The following ADARB2 variants were observed in gnomAD, a reference collection of about 807,000 sequenced individuals.
The protein encoded by ADARB2 is inactive double-stranded RNA-specific editase B2.
A neutral mutation model predicts 62.2 loss-of-function variants in ADARB2; 25 were observed. The ratio of observed to expected loss-of-function variants is 0.40; its 90% CI spans 0.29 to 0.56. ADARB2 has a LOEUF of 0.56. ADARB2 is among the 20% of genes least tolerant of loss of function. ADARB2 has a pLI of 0.43. For missense variants in ADARB2, 1,071 were observed against 1,077.4 expected (o/e 0.99, Z 0.08); for synonymous variants, 572 against 500.8 (o/e 1.14, Z -1.90).
At chr10:1,298,720 ATTTTTTTTTTTTTT>A (rs75978268) in intron 3 of ADARB2, among the ~76,000 whole-genome samples, 35 of 110,756 alleles carry the variant, frequency 3.2e-4, no homozygotes, top group African/African-American at 1.3e-3. Flanking sequence ...TGCGACGGGA[ATTTTTTTTTTTTTT>A]TTTTTTTTTT....
At chr10:1,504,517 T>C (rs1201944800) in intron 1 of ADARB2, among the ~76,000 whole-genome samples, 3 of 152,210 alleles carry the variant, frequency 2.0e-5, no homozygotes, top group Non-Finnish European at 2.9e-5. Context: ...TGCAGACCCC[T>C]GACTCGGCTG....
chr10:1,357,851 A>C (rs1320593402), intron 3 of ADARB2, among the ~76,000 whole-genome samples: 1 of 152,224 alleles, frequency 6.6e-6, no homozygotes, highest in African/African-American at 2.4e-5. Context: ...CAGAGGAGAA[A>C]ACTGAGCCAC....
intron 3 of ADARB2, among the ~76,000 whole-genome samples, chr10:1,272,606 G>A (rs965562263): frequency 4.6e-5 from 7 of 152,204 alleles, no homozygotes; most frequent in Non-Finnish European, 8.8e-5. Context: ...TTCCCACTGT[G>A]TCGTGAATCA....
At position 1,511,774 on chromosome 10, in the gene ADARB2, C is replaced by G. The variant is rs142273357; in HGVS notation, c.101-132614G>C. Among the ~76,000 whole-genome samples, 95 of 151,806 alleles carry G rather than the reference C, an allele frequency of 6.3e-4. 2 individuals are homozygous for G. Among genetic ancestry groups the G allele is most frequent in the Non-Finnish European group, 3.5e-4 (24 of 67,936 alleles). ...CATGGATGCTGTCTACATTGCATAC[C>G]AAGATGTTAATGCTGTCTACACTGG... On this transcript the variant is annotated intron_variant, in intron 1 of 9. Transcript: ENST00000381312.
chr10:1,687,136 C>A (rs749822707), intron 1 of ADARB2, among the ~76,000 whole-genome samples: 17 of 151,312 alleles, frequency 1.1e-4, no homozygotes, highest in Non-Finnish European at 2.4e-4. Flanking sequence ...AAGCGATTCT[C>A]CTGCCTCAGC....
At position 1,532,550 on chromosome 10, in the gene ADARB2, C is replaced by T. The variant is rs118124579; in HGVS notation, c.101-153390G>A. 9.4e-4 allele frequency among the ~76,000 whole-genome samples: 143 copies of T among 152,226 alleles called. 3 individuals are homozygous for T. The East Asian group carries it at 0.026, about 27-fold the overall frequency. Reference sequence around the variant, plus strand: ...ATTGACCAGGGGAAGGTGCGATTCCCTGTGGAGTTGGGAAGTGGCTCTCAG... The same window carrying T: ...ATTGACCAGGGGAAGGTGCGATTCCTTGTGGAGTTGGGAAGTGGCTCTCAG... On this transcript the variant is annotated intron_variant, in intron 1 of 9. Coordinates refer to ENST00000381312, the MANE Select transcript of ADARB2 (RefSeq NM_018702.4).
chr10:1,305,893 G>A (rs1395100946), intron 3 of ADARB2, among the ~76,000 whole-genome samples: 2 of 150,662 alleles, frequency 1.3e-5, no homozygotes, highest in Non-Finnish European at 3.0e-5. Flanking sequence ...GGTATTGATG[G>A]GACATATTTC....
Position 1,250,964 on chromosome 10 carries a change from G to A in ADARB2, c.1193-8665C>T, listed in dbSNP as rs945451044. Reference sequence around the variant, plus strand: ...TGCAGGAATTTAGTATAGGACAAAGGTAATCACATCTCAAACCACTGAGGC... The same window carrying A: ...TGCAGGAATTTAGTATAGGACAAAGATAATCACATCTCAAACCACTGAGGC... On this transcript the variant is annotated intron_variant, in intron 4 of 9. Coordinates refer to ENST00000381312, the MANE Select transcript of ADARB2 (RefSeq NM_018702.4). Among the ~76,000 whole-genome samples the A allele has an allele frequency of 2.6e-5, 4 of 152,280 alleles. No homozygotes were observed. The East Asian group carries it at 5.8e-4, about 22-fold the overall frequency.
intron 1 of ADARB2, among the ~76,000 whole-genome samples, chr10:1,672,113 C>T (rs1314712921): frequency 1.3e-5 from 2 of 150,280 alleles, no homozygotes; most frequent in Non-Finnish European, 1.5e-5. Flanking sequence ...AGAGCCCTAC[C>T]CCATCCCCGA....
intron 2 of ADARB2, among the ~76,000 whole-genome samples, chr10:1,375,302 A>G (rs992202847): frequency 1.3e-5 from 2 of 152,154 alleles, no homozygotes; most frequent in Non-Finnish European, 2.9e-5. Flanking sequence ...TGGAAGAGAA[A>G]ACTCCTCAGA....
At chr10:1,488,499 G>A (rs1011953253) in intron 1 of ADARB2, among the ~76,000 whole-genome samples, 2 of 152,178 alleles carry the variant, frequency 1.3e-5, no homozygotes, top group African/African-American at 4.8e-5. Flanking sequence ...TGGCCAAATT[G>A]CCCTGGTGGG....
chr10:1,207,294 C>G (rs992831383), intron 7 of ADARB2, among the ~76,000 whole-genome samples: 2 of 152,138 alleles, frequency 1.3e-5, no homozygotes, highest in African/African-American at 4.8e-5. Flanking sequence ...TGCAGTGAGC[C>G]GGGATCACGC....
chr10:1,507,060 T>C (rs2813439), intron 1 of ADARB2, among the ~76,000 whole-genome samples: 151,645 of 152,340 alleles, frequency 1, 75,482 homozygotes, highest in Middle Eastern at 1. Context: ...AGCCACCCAG[T>C]CTGTGCCCCG....
Position 1,622,980 on chromosome 10 carries a change from T to C in ADARB2, c.100+114071A>G, listed in dbSNP as rs545789066. Among the ~76,000 whole-genome samples the C allele has an allele frequency of 1.9e-4, 29 of 152,206 alleles. No homozygotes were observed. The South Asian group carries it at 6.0e-3, about 32-fold the overall frequency. On this transcript the variant is annotated intron_variant, in intron 1 of 9. Transcript: ENST00000381312. ...CAGGAACTCTATCCAAACCTTAGAATAGCATTCCGTAGGCCAAAGGTGCAA... is the reference window on the plus strand; with the variant it reads ...CAGGAACTCTATCCAAACCTTAGAACAGCATTCCGTAGGCCAAAGGTGCAA...
At chr10:1,670,477 A>G (rs865914985) in intron 1 of ADARB2, among the ~76,000 whole-genome samples, 4 of 152,292 alleles carry the variant, frequency 2.6e-5, no homozygotes, top group African/African-American at 7.2e-5. Context: ...CTTCCCTTGA[A>G]ACACCAGGAG....
At chr10:1,388,526 C>T (rs1588241174) in intron 1 of ADARB2, among the ~76,000 whole-genome samples, 1 of 152,208 alleles carries the variant, frequency 6.6e-6, no homozygotes, top group East Asian at 1.9e-4. Flanking sequence ...AGCAAGGTCA[C>T]AGGACAGAAC....
chr10:1,195,049 G>A (rs1836891189), intron 8 of ADARB2, among the ~76,000 whole-genome samples: 1 of 152,216 alleles, frequency 6.6e-6, no homozygotes, highest in Non-Finnish European at 1.5e-5. Flanking sequence ...GGGGCTGTTT[G>A]CCTTGAGCCC....
At chr10:1,444,872 CATCT>C (rs578235505) in intron 1 of ADARB2, among the ~76,000 whole-genome samples, 108 of 149,186 alleles carry the variant, frequency 7.2e-4, no homozygotes, top group African/African-American at 2.5e-3. Flanking sequence ...TACATCCATC[CATCT>C]ATCCATCCAC....
intron 1 of ADARB2, among the ~76,000 whole-genome samples, chr10:1,450,094 C>T (rs932803697): frequency 2.6e-5 from 4 of 152,170 alleles, no homozygotes; most frequent in Non-Finnish European, 2.9e-5. Flanking sequence ...AAGAGCTTCC[C>T]GAGAGTCTCC....
Sources: allele counts gnomAD v4.1 joint callset (sites outside exome capture counted in the v4.1 genomes callset), GRCh38; gene constraint gnomAD v4.1.1; transcripts MANE v1.5; gene names NCBI Gene and HGNC (gene_info 2026-07-23, HGNC 2026-07-21).